The following KIF26B variants were observed in gnomAD, a reference collection of about 807,000 sequenced individuals.
The protein encoded by KIF26B is kinesin-like protein KIF26B.
KIF26B carries 63 observed loss-of-function variants against 151.2 expected under a neutral mutation model. That is an observed-to-expected ratio of 0.42 (90% confidence interval 0.34 to 0.51). KIF26B has a LOEUF of 0.51. Among genes scored for constraint, KIF26B ranks in the 20% least tolerant of loss-of-function variants. The pLI, the probability that KIF26B is intolerant of heterozygous loss-of-function variation, is 0.07. For missense variants in KIF26B, 2,813 were observed against 2,913.6 expected (o/e 0.97, Z 0.79); for synonymous variants, 1,357 against 1,262.1 (o/e 1.08, Z -1.59).
In KIF26B at chr1:245,318,732, G is replaced by C. The variant is rs1290274158; in HGVS notation, c.466-48102G>C. 6.6e-6 allele frequency among the ~76,000 whole-genome samples: 1 copy of C among 152,092 alleles called. No individual in the cohort carries two copies. The highest frequency in any genetic ancestry group is 1.5e-5 in the Non-Finnish European group (1 of 68,012). Reference sequence around the variant, plus strand: ...AACTGTACATAACTCAATTCCCCAGGCTGCTGTGTGTCCGTCATCCCTGAA... The same window carrying C: ...AACTGTACATAACTCAATTCCCCAGCCTGCTGTGTGTCCGTCATCCCTGAA... On this transcript the variant is annotated intron_variant, in intron 2 of 14. Coordinates refer to ENST00000407071, the MANE Select transcript of KIF26B (RefSeq NM_018012.4). The surrounding 1 kb of genome is among the most constrained non-coding windows in gnomAD (Gnocchi z 4.0).
intron 10 of KIF26B, among the ~76,000 whole-genome samples, chr1:245,680,437 G>A (rs897805990): frequency 3.9e-5 from 6 of 152,146 alleles, no homozygotes; most frequent in Non-Finnish European, 5.9e-5. Flanking sequence ...AAAAATCGCC[G>A]TAAACATTTT....
intron 4 of KIF26B, among the ~76,000 whole-genome samples, chr1:245,464,528 CAT>C (rs1452894514): frequency 1.6e-4 from 20 of 123,970 alleles, no homozygotes; most frequent in Admixed American, 1.3e-3. Context: ...TGTGTGGCAC[CAT>C]GTGTGTGGGT....
At chr1:245,408,985 T>C (rs760493626) in intron 3 of KIF26B, among the ~76,000 whole-genome samples, 2 of 152,218 alleles carry the variant, frequency 1.3e-5, no homozygotes, top group South Asian at 2.1e-4. Flanking sequence ...AATGATGATC[T>C]ATGAGCCCAC....
In KIF26B at chr1:245,609,279, C is replaced by A. The variant is rs779066030; in HGVS notation, c.1665C>A (p.Thr555=). 1 of 1,604,340 alleles carries A rather than the reference C, an allele frequency of 6.2e-7. No homozygotes were observed. The highest frequency in any genetic ancestry group is 1.3e-5 in the African/African-American group (1 of 74,770). Residue 555 remains threonine, a synonymous_variant, in exon 8 of 15, where the codon ACC becomes ACA. Coordinates refer to ENST00000407071, the MANE Select transcript of KIF26B (RefSeq NM_018012.4). ...TGGTTCTCCCAGGAAAATCCTACAC[C>A]ATGATCGGAAAGGATGATTCCATGC... ...FGHAKLGKSY[T]MIGKDDSMQN...
At chr1:245,347,704 C>G (rs1412937003) in intron 2 of KIF26B, among the ~76,000 whole-genome samples, 6 of 152,238 alleles carry the variant, frequency 3.9e-5, no homozygotes, top group Admixed American at 3.9e-4. Context: ...TCTATCCTCT[C>G]TTGAACCCAC....
At chr1:245,408,839 C>T (rs1488833674) in intron 3 of KIF26B, among the ~76,000 whole-genome samples, 3 of 152,112 alleles carry the variant, frequency 2.0e-5, no homozygotes, top group East Asian at 1.9e-4. Context: ...ACCTGGCAGA[C>T]GGAATTGAAG....
chr1:245,554,619 GCAGATAAGGCTGAAATTTGTCC>G (rs72157855), intron 5 of KIF26B, among the ~76,000 whole-genome samples: 51,668 of 152,020 alleles, frequency 0.34, 9,194 homozygotes, highest in Admixed American at 0.46. Context: ...GCTTACCATG[GCAGATAAGGCTGAAATTTGTCC>G]CAGATAATTG....
rs2042940697 is a variant in KIF26B at position 245,560,898 on chromosome 1, T to C, written c.1350+19948T>C. On this transcript the variant is annotated intron_variant, in intron 5 of 14. Transcript: ENST00000407071. This position sits in a 1 kb window ranked among gnomAD's most constrained non-coding sequence, Gnocchi z 4.3. ...GATTTGGGCGGTCTCACCTCCAAAA[T>C]TGCAGCCCCTAAGGGGAGCCGTGCT... is the stretch of plus-strand genomic sequence containing the variant. 6.6e-6 allele frequency among the ~76,000 whole-genome samples: 1 copy of C among 152,178 alleles called. No homozygotes were observed. The highest frequency in any genetic ancestry group is 1.5e-5 in the Non-Finnish European group (1 of 68,036).
At chr1:245,310,976 T>C (rs2102982295) in intron 2 of KIF26B, among the ~76,000 whole-genome samples, 1 of 152,298 alleles carries the variant, frequency 6.6e-6, no homozygotes, top group Non-Finnish European at 1.5e-5. Flanking sequence ...CGCTACACTC[T>C]GATTTCCTCA....
Position 245,601,331 on chromosome 1 carries a change from C to T in KIF26B, c.1351-1246C>T, listed in dbSNP as rs138557412. Among the ~76,000 whole-genome samples, 364 of 152,334 alleles carry T rather than the reference C, an allele frequency of 2.4e-3. 1 individual carries two copies. Among genetic ancestry groups the T allele is most frequent in the African/African-American group, 8.0e-3 (334 of 41,580 alleles). On this transcript the variant is annotated intron_variant, in intron 5 of 14. Transcript: ENST00000407071. This position sits in a 1 kb window ranked among gnomAD's most constrained non-coding sequence, Gnocchi z 4.4. Reference sequence around the variant, plus strand: ...TTGCTCACTGCAGATTAGTCCTCATCGCTCAGCAGAGAGAGTCGAGATTGG... The same window carrying T: ...TTGCTCACTGCAGATTAGTCCTCATTGCTCAGCAGAGAGAGTCGAGATTGG...
intron 4 of KIF26B, among the ~76,000 whole-genome samples, chr1:245,496,817 G>A (rs1396936880): frequency 6.6e-6 from 1 of 152,180 alleles, no homozygotes; most frequent in South Asian, 2.1e-4. Flanking sequence ...CTTCATAAAT[G>A]TAAGGACAAA....
intron 5 of KIF26B, among the ~76,000 whole-genome samples, chr1:245,588,160 T>G (rs1313633081): frequency 6.6e-6 from 1 of 152,202 alleles, no homozygotes; most frequent in East Asian, 1.9e-4. Flanking sequence ...TGAGGCTTTT[T>G]GTTTAATGCT....
At position 245,166,148 on chromosome 1, in the gene KIF26B, T is replaced by C. The variant is rs953956139; in HGVS notation, c.465+9465T>C. 6.6e-6 allele frequency among the ~76,000 whole-genome samples: 1 copy of C among 152,154 alleles called. No homozygotes were observed. Among genetic ancestry groups the C allele is most frequent in the Non-Finnish European group, 1.5e-5 (1 of 68,022 alleles). ...TGACAGAGCCCCACCAGGAGGATCG[T>C]GAGGATTAGGTGAAATTGTGAGATG... On this transcript the variant is annotated intron_variant, in intron 2 of 14. Coordinates refer to ENST00000407071, the MANE Select transcript of KIF26B (RefSeq NM_018012.4). The surrounding 1 kb of genome is among the most constrained non-coding windows in gnomAD (Gnocchi z 4.5).
At chr1:245,243,146 A>G (rs1045188980) in intron 2 of KIF26B, among the ~76,000 whole-genome samples, 2 of 152,320 alleles carry the variant, frequency 1.3e-5, no homozygotes, top group Admixed American at 1.3e-4. Flanking sequence ...ACTTATCACC[A>G]AATTGCTCTC....
At chr1:245,421,910 A>G (rs1417638625) in intron 4 of KIF26B, among the ~76,000 whole-genome samples, 1 of 152,178 alleles carries the variant, frequency 6.6e-6, no homozygotes, top group Non-Finnish European at 1.5e-5. Flanking sequence ...ACAAGCAAAC[A>G]CACAGCAGGG....
chr1:245,674,290 CA>C (rs886331443), intron 10 of KIF26B, among the ~76,000 whole-genome samples: 4 of 150,518 alleles, frequency 2.7e-5, no homozygotes, highest in South Asian at 2.1e-4. Flanking sequence ...TGATTCAGGC[CA>C]AAAAAAAATT....
intron 4 of KIF26B, among the ~76,000 whole-genome samples, chr1:245,433,661 CTGATAA>C (rs1658835053): frequency 6.6e-6 from 1 of 152,158 alleles, no homozygotes; most frequent in African/African-American, 2.4e-5. Context: ...TGCACCATTT[CTGATAA>C]TCATCTATCA....
At chr1:245,267,922 A>T (rs532450632) in intron 2 of KIF26B, among the ~76,000 whole-genome samples, 1 of 152,160 alleles carries the variant, frequency 6.6e-6, no homozygotes, top group South Asian at 2.1e-4. Flanking sequence ...ATTTTGGGAC[A>T]TTTCTTATAG....
At chr1:245,163,863 C>G (rs1008348403) in intron 2 of KIF26B, among the ~76,000 whole-genome samples, 1 of 151,488 alleles carries the variant, frequency 6.6e-6, no homozygotes, top group African/African-American at 2.4e-5. Flanking sequence ...TTATTAAATT[C>G]TACTATATTC....
Sources: allele counts gnomAD v4.1 joint callset (sites outside exome capture counted in the v4.1 genomes callset), GRCh38; gene constraint gnomAD v4.1.1; non-coding constraint Gnocchi (gnomAD v3.1); transcripts MANE v1.5; gene names NCBI Gene and HGNC (gene_info 2026-07-23, HGNC 2026-07-21).